CSMD3: variants seen among roughly 807,000 people sequenced by gnomAD.
CSMD3 encodes CUB and Sushi multiple domains 3.
A neutral mutation model predicts 435.2 loss-of-function variants in CSMD3; 177 were observed. That is an observed-to-expected ratio of 0.41 (90% CI 0.36 to 0.46). The LOEUF (loss-of-function observed/expected upper bound fraction) is 0.46. CSMD3 is among the 20% of genes least tolerant of loss of function. CSMD3 has a pLI of 0.34. For synonymous variants in CSMD3, 1,656 were observed against 1,520.5 expected, an observed-to-expected ratio of 1.09 and a Z score of -2.07; for missense variants, 4,265 against 4,504.6, an observed-to-expected ratio of 0.95 and a Z score of 1.52.
At chr8:112,270,365 T>TGTGTGTGTGTGTGTTAGGGGTGA (rs1554623032) in intron 59 of CSMD3, among the ~76,000 whole-genome samples, 27 of 148,686 alleles carry the variant, frequency 1.8e-4, no homozygotes, top group Admixed American at 6.7e-4. Flanking sequence ...TGTGTGTGTG[T>TGTGTGTGTGTGTGTTAGGGGTGA]GTGTGTGTGT....
intron 35 of CSMD3, among the ~76,000 whole-genome samples, chr8:112,393,662 T>A (rs943246911): frequency 6.6e-6 from 1 of 152,304 alleles, no homozygotes; most frequent in East Asian, 1.9e-4. Flanking sequence ...CTCTCTTTCA[T>A]GCATTGCATC....
chr8:112,835,998 T>TA (rs1213009521), intron 11 of CSMD3, among the ~76,000 whole-genome samples: 1 of 151,880 alleles, frequency 6.6e-6, no homozygotes, highest in East Asian at 1.9e-4. Flanking sequence ...TGGGAGTTTT[T>TA]ATGGAGTTAC....
chr8:112,659,864 G>C (rs1487561057), intron 17 of CSMD3, among the ~76,000 whole-genome samples: 2 of 152,034 alleles, frequency 1.3e-5, no homozygotes, highest in East Asian at 3.9e-4. Flanking sequence ...ATCTCAAAGA[G>C]AAAATGAATG....
intron 1 of CSMD3, among the ~76,000 whole-genome samples, chr8:113,318,596 C>A (rs1422772531): frequency 6.6e-6 from 1 of 152,008 alleles, no homozygotes; most frequent in African/African-American, 2.4e-5. Context: ...TCCTGCTCAC[C>A]CATGGAAATC....
chr8:113,089,689 G>A (rs1258082927), intron 5 of CSMD3, among the ~76,000 whole-genome samples: 2 of 152,114 alleles, frequency 1.3e-5, no homozygotes, highest in African/African-American at 4.8e-5. Flanking sequence ...TATAGTGCAA[G>A]TCTTCACTTG....
At chr8:113,085,268 G>C (rs1180429289) in intron 5 of CSMD3, among the ~76,000 whole-genome samples, 1 of 151,528 alleles carries the variant, frequency 6.6e-6, no homozygotes, top group Non-Finnish European at 1.5e-5. Context: ...AAATAATTCA[G>C]TTAAAAGGGG....
intron 6 of CSMD3, among the ~76,000 whole-genome samples, chr8:112,999,394 G>A (rs1240597361): frequency 6.6e-6 from 1 of 151,846 alleles, no homozygotes; most frequent in Non-Finnish European, 1.5e-5. Flanking sequence ...AAGGAGGTGT[G>A]ACATTTTGAG....
chr8:112,765,846 G>A (rs1484951247), intron 13 of CSMD3, among the ~76,000 whole-genome samples: 1 of 151,682 alleles, frequency 6.6e-6, no homozygotes, highest in Non-Finnish European at 1.5e-5. Flanking sequence ...GAACATCAAG[G>A]AATATTGCAT....
chr8:113,395,837 C>A (rs1588657615), intron 1 of CSMD3, among the ~76,000 whole-genome samples: 1 of 152,018 alleles, frequency 6.6e-6, no homozygotes, highest in South Asian at 2.1e-4. Flanking sequence ...TTTGAAATTA[C>A]CTTAAATTAG....
intron 10 of CSMD3, among the ~76,000 whole-genome samples, chr8:112,897,218 T>C (rs2081972971): frequency 6.6e-6 from 1 of 151,398 alleles, no homozygotes; most frequent in Non-Finnish European, 1.5e-5. Context: ...TGCATGCATG[T>C]GTGTGCTTGT....
intron 22 of CSMD3, among the ~76,000 whole-genome samples, chr8:112,636,131 C>A (rs1210583594): frequency 6.6e-6 from 1 of 151,986 alleles, no homozygotes; most frequent in Non-Finnish European, 1.5e-5. Context: ...TAATGAAAAG[C>A]CTTTTTTCTA....
At chr8:112,592,533 A>AT (rs1831284792) in intron 22 of CSMD3, among the ~76,000 whole-genome samples, 1 of 151,932 alleles carries the variant, frequency 6.6e-6, no homozygotes, top group Non-Finnish European at 1.5e-5. Flanking sequence ...TTCTATAATC[A>AT]TTTTTTACCA....
chr8:112,291,369 A>G, intron 56 of CSMD3, 141 bp downstream of exon 56: 9 of 664,266 alleles, frequency 1.4e-5, no homozygotes, highest in Non-Finnish European at 2.1e-5. Context: ...AATATAGAAA[A>G]GTATAATTTC....
chr8:113,426,164 A>G (rs2094634855), intron 1 of CSMD3, among the ~76,000 whole-genome samples: 1 of 151,420 alleles, frequency 6.6e-6, no homozygotes, highest in South Asian at 2.1e-4. Context: ...ACAGAGTTCA[A>G]TATTAGAAAA....
intron 3 of CSMD3, among the ~76,000 whole-genome samples, chr8:113,183,000 T>TA (rs1378660719): frequency 1.3e-5 from 2 of 151,786 alleles, no homozygotes; most frequent in Non-Finnish European, 2.9e-5. Context: ...GGTAGGCAAA[T>TA]AAAGAGGAAT....
intron 61 of CSMD3, among the ~76,000 whole-genome samples, chr8:112,260,166 T>G (rs1816242510): frequency 6.6e-6 from 1 of 152,166 alleles, no homozygotes; most frequent in African/African-American, 2.4e-5. Flanking sequence ...GAAAAAAGCA[T>G]TCCTCTTTAT....
chr8:112,556,176 C>T (rs367607053), intron 25 of CSMD3, among the ~76,000 whole-genome samples: 3 of 152,014 alleles, frequency 2.0e-5, no homozygotes, highest in Non-Finnish European at 4.4e-5. Flanking sequence ...CCACCCCCAC[C>T]TACCCATCTA....
At chr8:112,385,391 G>C (rs895254484) in intron 36 of CSMD3, among the ~76,000 whole-genome samples, 12 of 152,150 alleles carry the variant, frequency 7.9e-5, no homozygotes, top group African/African-American at 2.9e-4. Flanking sequence ...AGGAAGATCA[G>C]GGGAGAAACT....
At chr8:113,006,154 T>A (rs7004426) in intron 6 of CSMD3, among the ~76,000 whole-genome samples, 7 of 151,830 alleles carry the variant, frequency 4.6e-5, no homozygotes, top group Admixed American at 6.6e-5. Context: ...CCTAATAAAT[T>A]CCTTTCTTTG....
Sources: allele counts gnomAD v4.1 joint callset (sites outside exome capture counted in the v4.1 genomes callset), GRCh38; gene constraint gnomAD v4.1.1; transcripts MANE v1.5; gene names NCBI Gene and HGNC (gene_info 2026-07-23, HGNC 2026-07-21).